Variants in EML6 observed in about 807,000 individuals in gnomAD.
The protein encoded by EML6 is EMAP like 6.
A neutral mutation model predicts 240.1 loss-of-function variants in EML6; 154 were observed. The observed-to-expected ratio is 0.64, with a 90% confidence interval of 0.56 to 0.73. The LOEUF (loss-of-function observed/expected upper bound fraction) is 0.73. Ranked by LOEUF, EML6 falls within the 30% of genes least tolerant of loss-of-function variation. The probability of loss-of-function intolerance (pLI) is 0.00; values close to 1 mark genes in which losing one functional copy is unlikely to be tolerated. For missense variants in EML6, 2,964 were observed against 2,474.6 expected, an observed-to-expected ratio of 1.20 and a Z score of -4.20; for synonymous variants, 1,148 against 899.0, an observed-to-expected ratio of 1.28 and a Z score of -4.95.
chr2:54,948,968 A>T lies in EML6; in HGVS notation c.4083+8A>T. 6.5e-7 allele frequency: 1 copy of T among 1,540,700 alleles called. No individual in the cohort carries two copies. The highest frequency in any genetic ancestry group is 1.2e-5 in the South Asian group (1 of 83,862). On this transcript the variant is annotated splice_region_variant and intron_variant, in intron 29 of 41. Transcript: ENST00000356458. ...AAAAAGAAACTGGTTGAGGTGAGTTAAACAATCACTTGTAGTCTGATATTG... is the reference window on the plus strand; with the variant it reads ...AAAAAGAAACTGGTTGAGGTGAGTTTAACAATCACTTGTAGTCTGATATTG...
intron 2 of EML6, among the ~76,000 whole-genome samples, chr2:54,742,003 G>T (rs1440823349): frequency 6.6e-6 from 1 of 152,206 alleles, no homozygotes; most frequent in Non-Finnish European, 1.5e-5. Context: ...AATAAGTACA[G>T]TGGAGAAACC....
At chr2:54,737,625 C>T (rs1683455461) in intron 2 of EML6, among the ~76,000 whole-genome samples, 1 of 152,140 alleles carries the variant, frequency 6.6e-6, no homozygotes. Flanking sequence ...TTCCTAAGAC[C>T]TCTTACCCAC....
intron 2 of EML6, among the ~76,000 whole-genome samples, chr2:54,735,654 C>G (rs993290571): frequency 6.6e-6 from 1 of 152,198 alleles, no homozygotes; most frequent in African/African-American, 2.4e-5. Context: ...GGCCATGGCC[C>G]TTACAATGAA....
chr2:54,805,466 A>G (rs566615757), intron 2 of EML6, among the ~76,000 whole-genome samples: 10 of 152,304 alleles, frequency 6.6e-5, no homozygotes, highest in Admixed American at 1.3e-4. Flanking sequence ...AACACTTGGT[A>G]TTATCAGTCT....
intron 17 of EML6, chr2:54,881,426 G>C (rs1317885195): frequency 2.0e-5 from 3 of 152,054 alleles, no homozygotes; most frequent in Non-Finnish European, 4.4e-5. Context: ...AGGCTGAGGT[G>C]GGCGGATCTC....
intron 25 of EML6, among the ~76,000 whole-genome samples, chr2:54,916,033 T>G (rs1673892428): frequency 6.6e-6 from 1 of 152,202 alleles, no homozygotes; most frequent in South Asian, 2.1e-4. Flanking sequence ...TAGCCAAGAA[T>G]TTCAGACAAA....
chr2:54,915,664 C>T (rs1307201948), intron 25 of EML6, among the ~76,000 whole-genome samples: 2 of 152,072 alleles, frequency 1.3e-5, no homozygotes, highest in Non-Finnish European at 2.9e-5. Context: ...TGTATAGCAC[C>T]TTACCACGTT....
chr2:54,871,537 A>G lies in EML6; in HGVS notation c.2276A>G (p.Gln759Arg). 1.9e-6 allele frequency: 3 copies of G among 1,551,822 alleles called. No individual in the cohort carries two copies. Among genetic ancestry groups the G allele is most frequent in the Non-Finnish European group, 2.6e-6 (3 of 1,146,978 alleles). ...RDAAIHVWDTQTLKCLSLLKG... is the reference protein window; with the variant it reads ...RDAAIHVWDTRTLKCLSLLKG... The stretch of plus-strand genomic sequence containing the variant: ...GCTGCTATTCATGTGTGGGACACAC[A>G]AACTCTAAAATGTTTGTCGCTGTTG... The change falls in exon 16 of 42, where the codon CAA becomes CGA. Residue 759 changes from glutamine to arginine, a missense_variant. Gln to Arg is a conservative substitution (Grantham distance 43). Transcript: ENST00000356458.
chr2:54,822,667 G>A (rs1668386976), intron 5 of EML6, among the ~76,000 whole-genome samples: 1 of 152,110 alleles, frequency 6.6e-6, no homozygotes, highest in African/African-American at 2.4e-5. Flanking sequence ...GGTGGGATTA[G>A]ATTTGTGGCT....
At chr2:54,836,077 C>A (rs565881009) in intron 7 of EML6, among the ~76,000 whole-genome samples, 113 of 152,322 alleles carry the variant, frequency 7.4e-4, no homozygotes, top group East Asian at 1.5e-3. Context: ...CCTTCAGCCT[C>A]ACTGTTCTGC....
intron 17 of EML6, chr2:54,879,862 G>T: frequency 1.9e-6 from 1 of 538,898 alleles, no homozygotes; most frequent in Non-Finnish European, 3.3e-6. Context: ...GAAATCCTCT[G>T]CAGAGAGTCA....
At chr2:54,813,479 C>T in intron 3 of EML6, 88 bp downstream of exon 3, 1 of 1,138,544 alleles carries the variant, frequency 8.8e-7, no homozygotes, top group East Asian at 2.6e-5. Flanking sequence ...ATTCAAAGTC[C>T]ATCAACCCTT....
At chr2:54,804,029 A>C (rs2567973) in intron 2 of EML6, among the ~76,000 whole-genome samples, 130,100 of 152,250 alleles carry the variant, frequency 0.85, 55,701 homozygotes, top group Middle Eastern at 0.92. Context: ...TTAGGCTTGC[A>C]TTCTACCTTC....
intron 22 of EML6, among the ~76,000 whole-genome samples, chr2:54,902,333 C>T (rs948754697): frequency 3.3e-5 from 5 of 152,130 alleles, no homozygotes; most frequent in African/African-American, 1.2e-4. Context: ...AATGAATAAA[C>T]CTCATGGAAG....
intron 17 of EML6, among the ~76,000 whole-genome samples, chr2:54,884,334 T>G (rs1274939360): frequency 6.6e-6 from 1 of 152,188 alleles, no homozygotes; most frequent in Non-Finnish European, 1.5e-5. Flanking sequence ...CTCCTTGTGT[T>G]CAGCTCTCTA....
Position 54,863,826 on chromosome 2 carries a change from A to G in EML6, c.1869A>G (p.Leu623=). 1.9e-6 allele frequency: 3 copies of G among 1,549,878 alleles called. No homozygotes were observed. The highest frequency in any genetic ancestry group is 2.6e-6 in the Non-Finnish European group (3 of 1,146,070). ...DSYSEESDSD[L]SDVPELDSDI... is the part of the protein sequence containing the mutation. ...ACAGTGAAGAATCTGATTCAGATTTATCTGATGTGCCCGAACTGGACTCTG... is the reference window on the plus strand; with the variant it reads ...ACAGTGAAGAATCTGATTCAGATTTGTCTGATGTGCCCGAACTGGACTCTG... Residue 623 remains leucine, a synonymous_variant, in exon 13 of 42, where the codon TTA becomes TTG. Coordinates refer to ENST00000356458, the MANE Select transcript of EML6 (RefSeq NM_001039753.4).
intron 2 of EML6, among the ~76,000 whole-genome samples, chr2:54,764,232 A>G (rs1331989041): frequency 6.6e-6 from 1 of 152,234 alleles, no homozygotes; most frequent in African/African-American, 2.4e-5. Flanking sequence ...GATTAAGTCC[A>G]TATAATTTCC....
chr2:54,935,578 T>G (rs1467913849), intron 28 of EML6, among the ~76,000 whole-genome samples: 1 of 152,246 alleles, frequency 6.6e-6, no homozygotes, highest in Non-Finnish European at 1.5e-5. Context: ...ACAATTTTGA[T>G]GAGTCACAGT....
At chr2:54,884,412 A>G (rs1048644241) in intron 17 of EML6, among the ~76,000 whole-genome samples, 3 of 152,086 alleles carry the variant, frequency 2.0e-5, no homozygotes, top group African/African-American at 7.2e-5. Flanking sequence ...TGATTGGTTT[A>G]CCAACTGGCG....
Sources: gnomAD v4.1 joint callset for allele counts (sites outside exome capture counted in the v4.1 genomes callset) on GRCh38, gnomAD v4.1.1 for gene constraint, MANE v1.5 for transcripts, NCBI Gene and HGNC (gene_info 2026-07-23, HGNC 2026-07-21) for gene names.